The following RYR2 variants were observed in gnomAD, a reference collection of about 807,000 sequenced individuals.
The protein encoded by RYR2 is cardiac muscle ryanodine receptor-calcium release channel.
RYR2 carries 227 observed loss-of-function variants against 601.1 expected under a neutral mutation model. The observed-to-expected ratio is 0.38, with a 90% CI of 0.34 to 0.42. RYR2 has a LOEUF of 0.42. RYR2 is among the 10% of genes least tolerant of loss of function. RYR2 has a pLI of 1.00. For synonymous variants in RYR2, 2,223 were observed against 2,175.1 expected (o/e 1.02, Z -0.61); for missense variants, 4,646 against 6,156.5 (o/e 0.75, Z 8.21).
At chr1:237,368,578 T>C (rs913136051) in intron 5 of RYR2, among the ~76,000 whole-genome samples, 4 of 152,044 alleles carry the variant, frequency 2.6e-5, no homozygotes, top group Non-Finnish European at 4.4e-5. Context: ...AAATGAAACT[T>C]CTCTGTGTCT....
At position 237,330,886 on chromosome 1, in the gene RYR2, C is replaced by T. The variant is rs1274699222; in HGVS notation, c.177C>T (p.Pro59=). 1 of 1,613,786 alleles carries T rather than the reference C, an allele frequency of 6.2e-7. No individual in the cohort carries two copies. The highest frequency in any genetic ancestry group is 1.3e-5 in the African/African-American group (1 of 75,020). The part of the protein sequence containing the change: ...LESTSNSKNV[P]PDLSICTFVL... ...TTCCTCTTTCTGTGCAGAATGTGCC[C>T]CCAGACCTCTCCATCTGCACCTTTG... is the stretch of plus-strand genomic sequence containing the variant. The change falls in exon 3 of 105, where the codon CCC becomes CCT. Residue 59 remains proline, a synonymous_variant. Coordinates refer to ENST00000366574, the MANE Select transcript of RYR2 (RefSeq NM_001035.3).
chr1:237,578,779 G>A lies in RYR2; in HGVS notation c.3598+9460G>A, dbSNP rs201159810. 4.2e-4 allele frequency among the ~76,000 whole-genome samples: 63 copies of A among 151,404 alleles called. 1 individual carries two copies. The East Asian group carries it at 0.011, about 26-fold the overall frequency. On this transcript the variant is annotated intron_variant, in intron 29 of 104. Coordinates refer to ENST00000366574, the MANE Select transcript of RYR2 (RefSeq NM_001035.3). ...CTCGCCCATTCTGCAGTTTTGATAA[G>A]GTGGTGGGAGTGGGGGCATGTACGC...
chr1:237,245,094 G>A (rs1328399722), intron 1 of RYR2, among the ~76,000 whole-genome samples: 1 of 152,106 alleles, frequency 6.6e-6, no homozygotes, highest in Non-Finnish European at 1.5e-5. Context: ...GTGCATGCCT[G>A]TAGTCTCAGC....
At chr1:237,731,924 C>T in intron 77 of RYR2, 122 bp from the exon 78 acceptor site, 1 of 327,772 alleles carries the variant, frequency 3.1e-6, no homozygotes, top group Non-Finnish European at 5.4e-6. Flanking sequence ...ACACACCCCA[C>T]AACAGGGAAG....
intron 25 of RYR2, among the ~76,000 whole-genome samples, chr1:237,546,644 G>A (rs1472224392): frequency 3.9e-5 from 6 of 152,156 alleles, no homozygotes; most frequent in Middle Eastern, 3.4e-3. Flanking sequence ...GCCTCCCAAA[G>A]TGCTGGGATT....
chr1:237,234,173 A>C (rs1375427685), intron 1 of RYR2, among the ~76,000 whole-genome samples: 3 of 152,218 alleles, frequency 2.0e-5, no homozygotes, highest in African/African-American at 7.2e-5. Context: ...TGACCAAAGA[A>C]TAAATCCTTT....
At chr1:237,578,808 C>T (rs1673563637) in intron 29 of RYR2, among the ~76,000 whole-genome samples, 1 of 151,636 alleles carries the variant, frequency 6.6e-6, no homozygotes, top group African/African-American at 2.4e-5. Context: ...TGTACGCTCC[C>T]TCAGTGTCTC....
chr1:237,385,127 G>A (rs1291312497), intron 8 of RYR2, among the ~76,000 whole-genome samples: 1 of 151,976 alleles, frequency 6.6e-6, no homozygotes, highest in African/African-American at 2.4e-5. Context: ...CTGACCTCGT[G>A]ATCCACCTGC....
intron 29 of RYR2, among the ~76,000 whole-genome samples, chr1:237,583,576 T>C (rs1674171279): frequency 6.6e-6 from 1 of 152,178 alleles, no homozygotes; most frequent in Non-Finnish European, 1.5e-5. Flanking sequence ...TTTCTTCTGA[T>C]CAAAAAATGT....
At position 237,614,230 on chromosome 1, in the gene RYR2, G is replaced by C. The variant is rs750602360; in HGVS notation, c.5102G>C (p.Gly1701Ala). 1.3e-5 allele frequency: 21 copies of C among 1,613,894 alleles called. No individual in the cohort carries two copies. Among genetic ancestry groups the C allele is most frequent in the Non-Finnish European group, 1.7e-5 (20 of 1,179,904 alleles). ...TACATGCCTGGTTTGCTGCGTGCTG[G>C]CTACTATGACCTGCTGATTGACATC... ...NKYMPGLLRA[G>A]YYDLLIDIHL... The change falls in exon 37 of 105, where the codon GGC becomes GCC. Residue 1701 changes from glycine (G) to alanine (A), a missense_variant. Transcript: ENST00000366574. This position sits in a 1 kb window ranked among gnomAD's most constrained non-coding sequence, Gnocchi z 4.3.
chr1:237,131,152 A>G (rs1672125767), intron 1 of RYR2, among the ~76,000 whole-genome samples: 1 of 152,168 alleles, frequency 6.6e-6, no homozygotes, highest in Admixed American at 6.5e-5. Flanking sequence ...CAGGCCTCAC[A>G]CTAAGCCCAA....
chr1:237,201,236 T>C (rs1681157723), intron 1 of RYR2, among the ~76,000 whole-genome samples: 1 of 152,226 alleles, frequency 6.6e-6, no homozygotes, highest in Admixed American at 6.5e-5. Context: ...CGTCACCTGA[T>C]ACCTGTTAAC....
chr1:237,246,633 T>C (rs1686876581), intron 1 of RYR2, among the ~76,000 whole-genome samples: 1 of 152,154 alleles, frequency 6.6e-6, no homozygotes, highest in South Asian at 2.1e-4. Context: ...AGGTATATTC[T>C]TCACTTTGTT....
chr1:237,473,865 A>G (rs1661065041), intron 17 of RYR2, among the ~76,000 whole-genome samples: 1 of 152,098 alleles, frequency 6.6e-6, no homozygotes, highest in Non-Finnish European at 1.5e-5. Flanking sequence ...CTACATTTAC[A>G]TGGCCAATAG....
chr1:237,208,120 C>T (rs1226594645), intron 1 of RYR2, among the ~76,000 whole-genome samples: 3 of 152,204 alleles, frequency 2.0e-5, no homozygotes, highest in African/African-American at 7.2e-5. Context: ...GCAGCCAGCA[C>T]CGGCACACCA....
At chr1:237,378,382 C>G (rs762204246) in intron 8 of RYR2, among the ~76,000 whole-genome samples, 22 of 151,948 alleles carry the variant, frequency 1.4e-4, no homozygotes, top group Non-Finnish European at 1.9e-4. Flanking sequence ...AGAGAGTAGT[C>G]CAATACAGAA....
intron 1 of RYR2, among the ~76,000 whole-genome samples, chr1:237,094,887 G>C (rs541194056): frequency 6.6e-6 from 1 of 152,096 alleles, no homozygotes; most frequent in South Asian, 2.1e-4. Flanking sequence ...CACCGCACCC[G>C]GCCTTGTCTT....
At chr1:237,048,151 C>T (rs973429669) in intron 1 of RYR2, among the ~76,000 whole-genome samples, 9 of 152,148 alleles carry the variant, frequency 5.9e-5, no homozygotes, top group Non-Finnish European at 1.0e-4. Flanking sequence ...GTGGCACTGC[C>T]GTTTGTGGCT....
Position 237,783,888 on chromosome 1 carries a change from C to T in RYR2, c.12176C>T (p.Thr4059Met), listed in dbSNP as rs751296763. The stretch of plus-strand genomic sequence containing the variant: ...GCGATGGAGAGCCATAAGCACTACA[C>T]GCAGTCAGAAACGGAATTTCTTTTG... ...HKAMESHKHY[T>M]QSETEFLLSC... Residue 4059 changes from threonine (T) to methionine (M), a missense_variant, in exon 90 of 105, where the codon ACG (threonine) becomes ATG (methionine). Transcript: ENST00000366574. The T allele has an allele frequency of 2.5e-6, 4 of 1,613,644 alleles. No homozygotes were observed. The highest frequency in any genetic ancestry group is 1.1e-5 in the South Asian group (1 of 91,000).
Sources: allele counts gnomAD v4.1 joint callset (sites outside exome capture counted in the v4.1 genomes callset), GRCh38; gene constraint gnomAD v4.1.1; non-coding constraint Gnocchi (gnomAD v3.1); transcripts MANE v1.5; gene names NCBI Gene and HGNC (gene_info 2026-07-23, HGNC 2026-07-21).